The following WDR59 variants were observed in gnomAD, a reference collection of about 807,000 sequenced individuals.
WDR59 encodes the protein WD repeat domain 59.
In WDR59, 100 loss-of-function variants were observed where a neutral mutation model predicts 131.2. The observed-to-expected ratio is 0.76, with a 90% confidence interval of 0.65 to 0.90. The LOEUF is 0.90. WDR59 is among the 40% of genes least tolerant of loss of function. WDR59 has a pLI of 0.00. For synonymous variants in WDR59, 601 were observed against 466.2 expected (o/e 1.29, Z -3.72); for missense variants, 1,203 against 1,262.2 (o/e 0.95, Z 0.71).
At chr16:74,958,682 C>G (rs1435479132) in intron 2 of WDR59, among the ~76,000 whole-genome samples, 1 of 149,556 alleles carries the variant, frequency 6.7e-6, no homozygotes, top group South Asian at 2.1e-4. Flanking sequence ...TTGCTTCCCC[C>G]CAACTGGAGG....
rs572497842 is a variant in WDR59, at chr16:74,886,333, A to C, written c.2483T>G (p.Phe828Cys). 1.3e-4 allele frequency: 207 copies of C among 1,613,890 alleles called. No individual in the cohort carries two copies. Among genetic ancestry groups the C allele is most frequent in the Non-Finnish European group, 1.6e-4 (191 of 1,180,012 alleles). ...WGESSPEELRFGSLTYSDPRE... is the reference protein window; with the variant it reads ...WGESSPEELRCGSLTYSDPRE... ...GGGATCACTGTAGGTCAGACTCCCAAAGCGGAGCTCTTCTGGTGAGGATTC... is the reference window on the plus strand; with the variant it reads ...GGGATCACTGTAGGTCAGACTCCCACAGCGGAGCTCTTCTGGTGAGGATTC... Residue 828 changes from phenylalanine to cysteine, a missense_variant, in exon 24 of 26, where the codon TTT (phenylalanine) becomes TGT (cysteine). Physicochemically the swap from Phe to Cys is radical, Grantham distance 205. Coordinates refer to ENST00000262144, the MANE Select transcript of WDR59 (RefSeq NM_030581.4).
rs1281949135 is a variant in WDR59 at position 74,912,192 on chromosome 16, C to A, written c.1389+6G>T. On this transcript the variant is annotated splice_donor_region_variant and intron_variant, in intron 14 of 25. Coordinates refer to ENST00000262144, the MANE Select transcript of WDR59 (RefSeq NM_030581.4). ...GCAAGGAGAATTTGGGAACCCAGAC[C>A]CCCACCTTCAGCAGCTTAGCTTTCA... 9 of 1,614,002 alleles carry A rather than the reference C, an allele frequency of 5.6e-6. No homozygotes were observed. Among genetic ancestry groups the A allele is most frequent in the Admixed American group, 1.7e-5 (1 of 59,986 alleles).
intron 8 of WDR59, among the ~76,000 whole-genome samples, chr16:74,930,382 A>G (rs1470592645): frequency 6.6e-6 from 1 of 152,196 alleles, no homozygotes; most frequent in East Asian, 1.9e-4. Flanking sequence ...CGAAAAACAG[A>G]ACAAAACAAA....
At chr16:74,937,463 T>A (rs573154242) in intron 8 of WDR59, among the ~76,000 whole-genome samples, 4 of 152,196 alleles carry the variant, frequency 2.6e-5, no homozygotes, top group South Asian at 2.1e-4. Flanking sequence ...CTTATATCTG[T>A]CATACATATC....
At chr16:74,932,907 G>A (rs1336641520) in intron 8 of WDR59, among the ~76,000 whole-genome samples, 1 of 152,154 alleles carries the variant, frequency 6.6e-6, no homozygotes, top group Non-Finnish European at 1.5e-5. Context: ...ATCTATGATT[G>A]TAAGAGGATG....
intron 18 of WDR59, among the ~76,000 whole-genome samples, chr16:74,901,651 T>TAAA (rs200878105): frequency 7.4e-6 from 1 of 135,824 alleles, no homozygotes. Context: ...CCCCATCTCT[T>TAAA]AAAAAAAAAA....
intron 22 of WDR59, 58 bp from the exon 23 acceptor site, chr16:74,887,813 C>G: frequency 1.3e-6 from 2 of 1,529,898 alleles, no homozygotes; most frequent in Admixed American, 1.7e-5. Context: ...TTCCCCATGA[C>G]AGTTCACATT....
chr16:74,957,724 C>T (rs1381574798), intron 2 of WDR59, among the ~76,000 whole-genome samples: 9 of 152,104 alleles, frequency 5.9e-5, no homozygotes, highest in Non-Finnish European at 5.9e-5. Context: ...TCTCTGCAGC[C>T]ATCAGCTATT....
chr16:74,892,690 G>C (rs1490993679), intron 19 of WDR59, 125 bp from the exon 20 acceptor site: 3 of 796,384 alleles, frequency 3.8e-6, no homozygotes, highest in Non-Finnish European at 5.9e-6. Flanking sequence ...TTTATTCCGC[G>C]TTGGCCTTGG....
In WDR59 at chr16:74,879,611, T is replaced by A. The variant is rs144576246; in HGVS notation, c.2690-5167A>T. Among the ~76,000 whole-genome samples, 1,060 of 152,252 alleles carry A rather than the reference T, an allele frequency of 7.0e-3. 10 individuals carry two copies. The highest frequency in any genetic ancestry group is 0.024 in the Middle Eastern group (7 of 294). ...CTAGAAAGGAGAAAACATTCTTTCT[T>A]CTTTCTTGCTCCATCTCTACCCTCA... On this transcript the variant is annotated intron_variant, in intron 25 of 25. Transcript: ENST00000262144.
At chr16:74,935,062 C>A (rs2031693249) in intron 8 of WDR59, among the ~76,000 whole-genome samples, 1 of 151,982 alleles carries the variant, frequency 6.6e-6, no homozygotes, top group African/African-American at 2.4e-5. Context: ...AATTCCATCT[C>A]TACTAAAAAT....
intron 1 of WDR59, among the ~76,000 whole-genome samples, chr16:74,979,691 C>G (rs2034322469): frequency 6.6e-6 from 1 of 151,194 alleles, no homozygotes; most frequent in Non-Finnish European, 1.5e-5. Flanking sequence ...CAGGCACCCA[C>G]CACCACACCC....
chr16:74,877,651 T>C (rs892802744), intron 25 of WDR59, among the ~76,000 whole-genome samples: 1 of 152,178 alleles, frequency 6.6e-6, no homozygotes, highest in Non-Finnish European at 1.5e-5. Flanking sequence ...TTCAAGCGAT[T>C]CTTCTGCCTC....
At chr16:74,940,844 T>C (rs2032161759) in intron 7 of WDR59, among the ~76,000 whole-genome samples, 1 of 152,064 alleles carries the variant, frequency 6.6e-6, no homozygotes, top group Non-Finnish European at 1.5e-5. Flanking sequence ...TAGCTGGGAC[T>C]ACAGGCGCCC....
At chr16:74,888,364 T>C (rs369370999) in intron 21 of WDR59, 45 bp from the exon 22 acceptor site, 4 of 1,582,152 alleles carry the variant, frequency 2.5e-6, no homozygotes, top group African/African-American at 1.4e-5. Context: ...GGAGGAGGGA[T>C]TGAGGAGGAA....
intron 1 of WDR59, among the ~76,000 whole-genome samples, chr16:74,984,105 C>A (rs907996506): frequency 6.6e-6 from 1 of 151,830 alleles, no homozygotes; most frequent in Non-Finnish European, 1.5e-5. Context: ...GGTGAAACCC[C>A]GTCTCTACTA....
In WDR59 at chr16:74,917,219, T is replaced by C. The variant is rs141627352; in HGVS notation, c.966+710A>G. Among the ~76,000 whole-genome samples the C allele has an allele frequency of 3.9e-5, 6 of 152,298 alleles. No individual in the cohort carries two copies. The East Asian group carries it at 1.2e-3, about 29-fold the overall frequency. ...TCATGTAAGAAACAGATATCATTTA[T>C]CGGGAAAAAATTACAAACAGCTTCA... On this transcript the variant is annotated intron_variant, in intron 11 of 25. Coordinates refer to ENST00000262144, the MANE Select transcript of WDR59 (RefSeq NM_030581.4).
In WDR59 at chr16:74,949,802, G is replaced by A. The variant is rs747350811; in HGVS notation, c.327-4C>T. 1 of 1,613,448 alleles carries A rather than the reference G, an allele frequency of 6.2e-7. No individual in the cohort carries two copies. The highest frequency in any genetic ancestry group is 1.7e-5 in the Admixed American group (1 of 59,938). ...AAACACCGCCCAGTCCAAGTCGCTG[G>A]GACACAAAGAATAAACAGAACAAAG... On this transcript the variant is annotated splice_polypyrimidine_tract_variant and splice_region_variant and intron_variant, in intron 4 of 25. Transcript: ENST00000262144.
chr16:74,903,827 G>T, intron 18 of WDR59, 120 bp downstream of exon 18: 1 of 1,260,528 alleles, frequency 7.9e-7, no homozygotes, highest in Non-Finnish European at 1.1e-6. Flanking sequence ...TGAACAAACT[G>T]ATTACGAAAG....
Sources: gnomAD v4.1 joint callset for allele counts (sites outside exome capture counted in the v4.1 genomes callset) on GRCh38, gnomAD v4.1.1 for gene constraint, MANE v1.5 for transcripts, NCBI Gene and HGNC (gene_info 2026-07-23, HGNC 2026-07-21) for gene names.